GOLGB1: variants seen among roughly 807,000 people sequenced by gnomAD.
GOLGB1 encodes golgin subfamily B member 1.
GOLGB1 carries 174 observed loss-of-function variants against 336.9 expected under a neutral mutation model. The observed-to-expected ratio is 0.52, with a 90% CI of 0.46 to 0.59. The LOEUF is 0.59. Among genes scored for constraint, GOLGB1 ranks in the 20% least tolerant of loss-of-function variants. The pLI, the probability that GOLGB1 is intolerant of heterozygous loss-of-function variation, is 0.00. For synonymous variants in GOLGB1, 1,208 were observed against 1,289.2 expected (o/e 0.94, Z 1.35); for missense variants, 3,331 against 3,645.3 (o/e 0.91, Z 2.22).
rs994629267 is a variant in GOLGB1, at chr3:121,701,908, CAAA to C, written c.1519+570_1519+572del. On this transcript the variant is annotated intron_variant, in intron 11 of 21. Coordinates refer to ENST00000614479, the MANE Select transcript of GOLGB1 (RefSeq NM_001366282.2). The stretch of plus-strand genomic sequence containing the variant: ...AGTATACAAGGATGTTATGGAAGCA[CAAA>C]AAAATCATTTAACCCAACTTTTGGG... Among the ~76,000 whole-genome samples the C allele has an allele frequency of 3.9e-5, 6 of 152,022 alleles. No individual in the cohort carries two copies. In the East Asian group the frequency reaches 1.2e-3, roughly 29 times the overall value.
intron 9 of GOLGB1, among the ~76,000 whole-genome samples, chr3:121,715,887 G>A (rs949462826): frequency 6.6e-6 from 1 of 151,960 alleles, no homozygotes; most frequent in South Asian, 2.1e-4. Context: ...AGCTACTTGG[G>A]AGGCTGAGGC....
intron 18 of GOLGB1, among the ~76,000 whole-genome samples, chr3:121,668,904 C>A (rs1477819455): frequency 6.6e-6 from 1 of 152,138 alleles, no homozygotes; most frequent in Admixed American, 6.5e-5. Context: ...AAGTTTCCTA[C>A]AATTTTCTTA....
intron 10 of GOLGB1, among the ~76,000 whole-genome samples, chr3:121,711,850 AT>A (rs1944385647): frequency 6.6e-6 from 1 of 152,220 alleles, no homozygotes; most frequent in Non-Finnish European, 1.5e-5. Context: ...GATATACTAT[AT>A]TCGTAGATTT....
At chr3:121,678,799 G>C (rs1560183878) in intron 15 of GOLGB1, among the ~76,000 whole-genome samples, 1 of 152,114 alleles carries the variant, frequency 6.6e-6, no homozygotes, top group African/African-American at 2.4e-5. Flanking sequence ...TGATCTACCT[G>C]CCTTGGCCTC....
intron 8 of GOLGB1, 28 bp from the exon 9 acceptor site, chr3:121,717,167 C>A (rs561718145): frequency 1.3e-5 from 20 of 1,533,744 alleles, no homozygotes; most frequent in Non-Finnish European, 1.8e-5. Context: ...GTCTCATGAG[C>A]CATAAATACA....
At position 121,729,980 on chromosome 3, in the gene GOLGB1, G is replaced by A; in HGVS notation, c.134C>T (p.Thr45Ile). ...HQESDMEFNN[T>I]TQEDVQERLA... is the part of the protein sequence containing the mutation. Reference sequence around the variant, plus strand: ...GCGCTCCTGAACATCTTCTTGTGTAGTATTATTAAATTCCATGTCAGATTC... The same window carrying A: ...GCGCTCCTGAACATCTTCTTGTGTAATATTATTAAATTCCATGTCAGATTC... Residue 45 changes from threonine (T) to isoleucine (I), a missense_variant, in exon 3 of 22, where the codon ACT becomes ATT. Coordinates refer to ENST00000614479, the MANE Select transcript of GOLGB1 (RefSeq NM_001366282.2). 1 of 1,611,292 alleles carries A rather than the reference G, an allele frequency of 6.2e-7. No individual in the cohort carries two copies. Among genetic ancestry groups the A allele is most frequent in the South Asian group, 1.1e-5 (1 of 90,950 alleles).
intron 8 of GOLGB1, among the ~76,000 whole-genome samples, chr3:121,717,585 G>C (rs1212384479): frequency 6.6e-6 from 1 of 152,258 alleles, no homozygotes; most frequent in Non-Finnish European, 1.5e-5. Context: ...AAAGAAAATG[G>C]CAGGATGGAT....
chr3:121,685,334 A>G (rs964704107), intron 14 of GOLGB1, among the ~76,000 whole-genome samples: 2 of 152,120 alleles, frequency 1.3e-5, no homozygotes, highest in Admixed American at 6.5e-5. Context: ...CAAAAGATTG[A>G]GACCACCCTG....
At chr3:121,728,064 G>A (rs1206662846) in intron 4 of GOLGB1, among the ~76,000 whole-genome samples, 1 of 152,142 alleles carries the variant, frequency 6.6e-6, no homozygotes, top group Non-Finnish European at 1.5e-5. Context: ...AGAAGCTGGA[G>A]GGAACAAAGC....
At chr3:121,688,808 G>T (rs1942074432) in intron 14 of GOLGB1, among the ~76,000 whole-genome samples, 1 of 151,444 alleles carries the variant, frequency 6.6e-6, no homozygotes, top group African/African-American at 2.4e-5. Flanking sequence ...GCCCCGTCTG[G>T]GATGTGAGGA....
Position 121,698,313 on chromosome 3 carries a change from G to A in GOLGB1, c.2210C>T (p.Ala737Val), listed in dbSNP as rs748464393. The A allele has an allele frequency of 1.7e-5, 27 of 1,613,832 alleles. No homozygotes were observed. Among genetic ancestry groups the A allele is most frequent in the Non-Finnish European group, 2.3e-5 (27 of 1,179,906 alleles). The change falls in exon 13 of 22, where the codon GCT (alanine) becomes GTT (valine). Residue 737 changes from alanine (A) to valine (V), a missense_variant. Coordinates refer to ENST00000614479, the MANE Select transcript of GOLGB1 (RefSeq NM_001366282.2). The stretch of plus-strand genomic sequence containing the variant: ...AGTGAATGCACTGCTGTTGTTGTCA[G>A]CATTTTTCTTAAACTCCTCAATCAA... ...NQLIEEFKKN[A>V]DNNSSAFTAL... is the part of the protein sequence containing the mutation.
At chr3:121,690,496 A>C (rs1305218010) in intron 14 of GOLGB1, among the ~76,000 whole-genome samples, 174 bp downstream of exon 14, 2 of 152,232 alleles carry the variant, frequency 1.3e-5, no homozygotes, top group African/African-American at 4.8e-5. Context: ...TAGCAATTTA[A>C]ATCATGTTTC....
intron 1 of GOLGB1, among the ~76,000 whole-genome samples, chr3:121,737,757 T>C (rs1309942886): frequency 6.6e-6 from 1 of 151,936 alleles, no homozygotes; most frequent in Non-Finnish European, 1.5e-5. Flanking sequence ...CTGGGGATAA[T>C]AATAGTGTTT....
intron 10 of GOLGB1, among the ~76,000 whole-genome samples, chr3:121,714,096 G>A (rs1041459679): frequency 6.6e-6 from 1 of 152,208 alleles, no homozygotes; most frequent in Non-Finnish European, 1.5e-5. Flanking sequence ...GAACAGAAGA[G>A]ACTGGAAAGC....
intron 15 of GOLGB1, among the ~76,000 whole-genome samples, chr3:121,679,077 G>C (rs1053122824): frequency 5.3e-5 from 8 of 152,064 alleles, no homozygotes; most frequent in African/African-American, 1.9e-4. Context: ...AAAAAGAAAA[G>C]AGCTAGGATT....
intron 1 of GOLGB1, among the ~76,000 whole-genome samples, chr3:121,740,948 A>T (rs920724751): frequency 6.6e-6 from 1 of 152,128 alleles, no homozygotes; most frequent in African/African-American, 2.4e-5. Flanking sequence ...GACTTAAAAA[A>T]ATCCTTTAGG....
intron 14 of GOLGB1, among the ~76,000 whole-genome samples, chr3:121,682,410 T>G (rs1941184506): frequency 6.6e-6 from 1 of 151,150 alleles, no homozygotes; most frequent in South Asian, 2.1e-4. Flanking sequence ...ATACTCTTCT[T>G]TTTTTTTTGA....
At chr3:121,720,710 T>C (rs1945131124) in intron 6 of GOLGB1, among the ~76,000 whole-genome samples, 1 of 152,214 alleles carries the variant, frequency 6.6e-6, no homozygotes, top group Admixed American at 6.5e-5. Flanking sequence ...CTGGAGTCTT[T>C]CATTAGCCAA....
intron 1 of GOLGB1, among the ~76,000 whole-genome samples, chr3:121,739,791 A>G (rs1480343316): frequency 6.6e-6 from 1 of 152,218 alleles, no homozygotes; most frequent in Non-Finnish European, 1.5e-5. Flanking sequence ...CTTTATTTCT[A>G]TTAATAGACG....
Sources: allele counts gnomAD v4.1 joint callset (sites outside exome capture counted in the v4.1 genomes callset), GRCh38; gene constraint gnomAD v4.1.1; transcripts MANE v1.5; gene names NCBI Gene and HGNC (gene_info 2026-07-23, HGNC 2026-07-21).